The following BAIAP2 variants were observed in gnomAD, a reference collection of about 807,000 sequenced individuals.
BAIAP2 encodes BAR/IMD domain-containing adapter protein 2.
A neutral mutation model predicts 63.0 loss-of-function variants in BAIAP2; 18 were observed. The observed-to-expected ratio is 0.29, with a 90% confidence interval of 0.20 to 0.42. BAIAP2 has a LOEUF of 0.42. BAIAP2 is among the 10% of genes least tolerant of loss of function. The pLI, the probability that BAIAP2 is intolerant of heterozygous loss-of-function variation, is 1.00. For synonymous variants in BAIAP2, 386 were observed against 307.6 expected (o/e 1.25, Z -2.67); for missense variants, 610 against 734.3 (o/e 0.83, Z 1.96).
At chr17:81,066,389 T>G (rs998355452) in intron 3 of BAIAP2, among the ~76,000 whole-genome samples, 3 of 152,186 alleles carry the variant, frequency 2.0e-5, no homozygotes, top group Admixed American at 1.3e-4. Flanking sequence ...GGTCACTGAG[T>G]CACTGAATTA....
intron 1 of BAIAP2, among the ~76,000 whole-genome samples, chr17:81,052,191 C>A (rs1386712757): frequency 6.6e-6 from 1 of 152,226 alleles, no homozygotes; most frequent in Non-Finnish European, 1.5e-5. Context: ...TTGCCCTGCC[C>A]TGGTCTGCCC....
intron 3 of BAIAP2, 81 bp downstream of exon 3, chr17:81,058,048 C>T: frequency 8.9e-7 from 1 of 1,123,156 alleles, no homozygotes; most frequent in African/African-American, 1.6e-5. Flanking sequence ...TGTCCAGCCG[C>T]TTTTTGATTT....
At chr17:81,092,403 G>T (rs986658961) in intron 6 of BAIAP2, among the ~76,000 whole-genome samples, 9 of 152,246 alleles carry the variant, frequency 5.9e-5, no homozygotes, top group African/African-American at 1.9e-4. Flanking sequence ...ACCAGGCCCT[G>T]GGGGCAGAGG....
At chr17:81,060,953 A>G (rs1257716533) in intron 3 of BAIAP2, among the ~76,000 whole-genome samples, 1 of 151,920 alleles carries the variant, frequency 6.6e-6, no homozygotes, top group Admixed American at 6.5e-5. Context: ...TGAAACCCCC[A>G]TCTCTACTAA....
intron 2 of BAIAP2, among the ~76,000 whole-genome samples, chr17:81,056,977 G>A (rs896293240): frequency 6.6e-6 from 1 of 152,360 alleles, no homozygotes; most frequent in East Asian, 1.9e-4. Context: ...CCAGGCACAG[G>A]CCTTCATTCC....
rs1025826373 is a variant in BAIAP2 at position 81,113,401 on chromosome 17, C to T, written c.1536-2369C>T. Among the ~76,000 whole-genome samples the T allele has an allele frequency of 3.3e-4, 51 of 152,368 alleles. 2 individuals are homozygous for T. Among genetic ancestry groups the T allele is most frequent in the South Asian group, 4.1e-4 (2 of 4,830 alleles). On this transcript the variant is annotated intron_variant, in intron 13 of 13. Coordinates refer to ENST00000428708, the MANE Select transcript of BAIAP2 (RefSeq NM_001144888.2). ...ATGTCTGTGGCTAACGTGTGGTGAC[C>T]TTGCAGTGGCCTTGGGCTGCAGACT...
rs1418570505 is a variant in BAIAP2, at chr17:81,055,569, GTTTT to G, written c.130+1827_130+1830del. ...TTCCTCCAGCGAAAGTCTGCAGGGT[GTTTT>G]GTTTTTTTTTGAGACGGAGTCTCAC... On this transcript the variant is annotated intron_variant, in intron 2 of 13. Coordinates refer to ENST00000428708, the MANE Select transcript of BAIAP2 (RefSeq NM_001144888.2). 6.5e-4 allele frequency among the ~76,000 whole-genome samples: 61 copies of G among 93,992 alleles called. 1 individual carries two copies. The highest frequency in any genetic ancestry group is 1.7e-3 in the Admixed American group (14 of 8,276). 61.7% of individuals were successfully genotyped at this position (93,992 alleles called of 152,430 possible). A position where few individuals can be genotyped will look rare whatever the true frequency, so the allele number is the denominator to read the frequency against.
chr17:81,058,078 C>A, intron 3 of BAIAP2, 111 bp downstream of exon 3: 1 of 853,010 alleles, frequency 1.2e-6, no homozygotes, highest in Non-Finnish European at 1.7e-6. Context: ...TTTTGCCTGT[C>A]AAATAGGAAA....
chr17:81,106,976 G>A (rs1042155431), intron 12 of BAIAP2, 69 bp downstream of exon 12: 107 of 1,445,110 alleles, frequency 7.4e-5, no homozygotes, highest in East Asian at 5.3e-4. Context: ...GCAGTCCCCC[G>A]TTGGAGCCTC....
In BAIAP2 at chr17:81,116,202, C is replaced by T. The variant is rs746639463; in HGVS notation, c.*363C>T. The T allele has an allele frequency of 1.9e-6, 3 of 1,608,206 alleles. No individual in the cohort carries two copies. The highest frequency in any genetic ancestry group is 4.5e-5 in the East Asian group (2 of 44,864). ...CCTGGCTGCCCTGCTGCTTCTCCTG[C>T]CTAATAAACAGGCTTCTCCTGCACC... On this transcript the variant is annotated 3_prime_UTR_variant, in exon 14 of 14. Coordinates refer to ENST00000428708, the MANE Select transcript of BAIAP2 (RefSeq NM_001144888.2).
chr17:81,097,985 T>C (rs2057919723), intron 6 of BAIAP2: 1 of 648,780 alleles, frequency 1.5e-6, no homozygotes, highest in East Asian at 3.4e-5. Flanking sequence ...GCTGGGGTTC[T>C]GGAATCGGGA....
intron 3 of BAIAP2, among the ~76,000 whole-genome samples, chr17:81,078,940 C>T (rs1178425235): frequency 6.6e-6 from 1 of 152,004 alleles, no homozygotes; most frequent in Non-Finnish European, 1.5e-5. Flanking sequence ...GGTGATAGTC[C>T]CATGCTGGTT....
intron 3 of BAIAP2, among the ~76,000 whole-genome samples, chr17:81,076,097 A>C (rs1381405117): frequency 6.6e-6 from 1 of 152,204 alleles, no homozygotes; most frequent in African/African-American, 2.4e-5. Context: ...CCCAGAGTAC[A>C]GCCTGAGAGG....
At chr17:81,041,335 G>A (rs768816395) in intron 1 of BAIAP2, among the ~76,000 whole-genome samples, 2 of 152,180 alleles carry the variant, frequency 1.3e-5, no homozygotes, top group Non-Finnish European at 2.9e-5. Flanking sequence ...ACCAGCCTTG[G>A]TATCCTCAGT....
chr17:81,085,395 G>T, intron 4 of BAIAP2: 1 of 638,626 alleles, frequency 1.6e-6, no homozygotes, highest in Non-Finnish European at 2.9e-6. Context: ...GGAAGGAGGG[G>T]ATGGCCGTTT....
chr17:81,104,195 C>T lies in BAIAP2; in HGVS notation c.1066+87C>T, dbSNP rs1568179279. 18 of 1,388,774 alleles carry T rather than the reference C, an allele frequency of 1.3e-5. No individual in the cohort carries two copies. The South Asian group carries it at 1.8e-4, about 14-fold the overall frequency. 86.0% of individuals were successfully genotyped at this position (1,388,774 alleles called of 1,614,324 possible). ...TCATGCCACAACCCTCAATAGGGGC[C>T]TGGGAGACCCTGAGGCTCACAATTA... is the stretch of plus-strand genomic sequence containing the variant. On this transcript the variant is annotated intron_variant, in intron 9 of 13. Transcript: ENST00000428708.
intron 3 of BAIAP2, among the ~76,000 whole-genome samples, chr17:81,073,436 C>T (rs575159665): frequency 2.6e-5 from 4 of 152,196 alleles, no homozygotes; most frequent in African/African-American, 4.8e-5. Flanking sequence ...AAGCTGGTCT[C>T]GGGCCGTGCT....
intron 1 of BAIAP2, among the ~76,000 whole-genome samples, chr17:81,044,155 T>G (rs2047468928): frequency 6.6e-6 from 1 of 152,166 alleles, no homozygotes; most frequent in Non-Finnish European, 1.5e-5. Context: ...GGTGGGGCCG[T>G]ACAGGCATTC....
intron 1 of BAIAP2, among the ~76,000 whole-genome samples, chr17:81,045,867 C>T (rs1434145859): frequency 6.6e-6 from 1 of 152,160 alleles, no homozygotes; most frequent in East Asian, 1.9e-4. Flanking sequence ...AGTGGCCCCT[C>T]CTGACCCCCC....
Sources: gnomAD v4.1 joint callset for allele counts (sites outside exome capture counted in the v4.1 genomes callset) on GRCh38, gnomAD v4.1.1 for gene constraint, MANE v1.5 for transcripts, NCBI Gene and HGNC (gene_info 2026-07-23, HGNC 2026-07-21) for gene names.